The following YRDC variants were observed in gnomAD, a reference collection of about 807,000 sequenced individuals.
YRDC encodes the protein threonylcarbamoyl-AMP synthase.
YRDC carries 17 observed loss-of-function variants against 21.5 expected under a neutral mutation model. The observed-to-expected ratio is 0.79, with a 90% CI of 0.54 to 1.19. The LOEUF (loss-of-function observed/expected upper bound fraction) is 1.19. YRDC is among the 50% of genes most tolerant of loss of function. The pLI is 0.00. For synonymous variants in YRDC, 193 were observed against 176.7 expected (o/e 1.09, Z -0.73); for missense variants, 380 against 397.1 (o/e 0.96, Z 0.37).
Position 37,807,942 on chromosome 1 carries a change from C to CCGGCGCGCAGCTCGGCCACGG in YRDC, c.218_238dup (p.Ala73_Ala79dup), listed in dbSNP as rs1569828192. On this transcript the variant is annotated inframe_insertion, in exon 1 of 5. Transcript: ENST00000373044. The stretch of plus-strand genomic sequence containing the variant: ...ATCGGTGGGGACGGCCACCACGGCG[C>CCGGCGCGCAGCTCGGCCACGG]CGGCGCGCAGCTCGGCCACGGCGGC... The CCGGCGCGCAGCTCGGCCACGG allele has an allele frequency of 1.6e-6, 2 of 1,235,884 alleles. No homozygotes were observed. The highest frequency in any genetic ancestry group is 1.6e-5 in the African/African-American group (1 of 64,080). 76.6% of individuals were successfully genotyped at this position (1,235,884 alleles called of 1,614,324 possible).
At position 37,803,928 on chromosome 1, in the gene YRDC, C is replaced by G; in HGVS notation, c.837G>C (p.Leu279=). ...GGCCTTCCTGCTTCCCAGAGTTTCA[C>G]AGGTAGGACGCATGTGAGGGGAGCA... ...YGLLPSHASY[L] is the part of the protein sequence containing the mutation. The change falls in exon 5 of 5, where the codon CTG becomes CTC. Residue 279 remains leucine, a synonymous_variant. Transcript: ENST00000373044. 6.2e-7 allele frequency: 1 copy of G among 1,614,120 alleles called. No individual in the cohort carries two copies. The highest frequency in any genetic ancestry group is 8.5e-7 in the Non-Finnish European group (1 of 1,180,034).
chr1:37,803,870 GGACA>G lies in YRDC; in HGVS notation c.*51_*54del. ...AAATGAGGCCTTGACAGTCGTCAGT[GGACA>G]GACACATAGTATCCAGCACCAGGTC... On this transcript the variant is annotated 3_prime_UTR_variant, in exon 5 of 5. Transcript: ENST00000373044. The G allele has an allele frequency of 6.3e-7, 1 of 1,595,266 alleles. No individual in the cohort carries two copies. The highest frequency in any genetic ancestry group is 2.2e-5 in the East Asian group (1 of 44,798).
chr1:37,806,741 T>C, intron 3 of YRDC, 116 bp downstream of exon 3: 1 of 1,508,902 alleles, frequency 6.6e-7, no homozygotes, highest in Non-Finnish European at 9.0e-7. Context: ...ACCTTCCCAC[T>C]GTTGGCCCAA....
At position 37,803,982 on chromosome 1, in the gene YRDC, A is replaced by T. The variant is rs1325418978; in HGVS notation, c.783T>A (p.Thr261=). Residue 261 remains threonine, a synonymous_variant, in exon 5 of 5, where the codon ACT becomes ACA. Coordinates refer to ENST00000373044, the MANE Select transcript of YRDC (RefSeq NM_024640.4). ...IIRPGCALES[T]TAILQQKYGL... is the part of the protein sequence containing the mutation. ...CGTACTTCTGTTGGAGGATGGCTGTAGTACTTTCCAGGGCACTGAGGAGGA... is the reference window on the plus strand; with the variant it reads ...CGTACTTCTGTTGGAGGATGGCTGTTGTACTTTCCAGGGCACTGAGGAGGA... 1 of 1,614,078 alleles carries T rather than the reference A, an allele frequency of 6.2e-7. No homozygotes were observed. Among genetic ancestry groups the T allele is most frequent in the African/African-American group, 1.3e-5 (1 of 74,922 alleles).
chr1:37,805,694 TGA>T (rs1646729551), intron 3 of YRDC, among the ~76,000 whole-genome samples: 1 of 152,196 alleles, frequency 6.6e-6, no homozygotes, highest in South Asian at 2.1e-4. Context: ...ACCTGCACTC[TGA>T]GAATGGGAAG....
intron 3 of YRDC, 57 bp from the exon 4 acceptor site, chr1:37,804,501 C>A: frequency 6.4e-7 from 1 of 1,561,038 alleles, no homozygotes. Flanking sequence ...CCAATAATGT[C>A]AAACTGCACG....
At chr1:37,806,750 A>C (rs1557578821) in intron 3 of YRDC, 107 bp downstream of exon 3, 1 of 1,545,068 alleles carries the variant, frequency 6.5e-7, no homozygotes, top group South Asian at 1.2e-5. Flanking sequence ...CTGTTGGCCC[A>C]AGAACTCTCA....
At chr1:37,804,106 C>T (rs1646719326) in intron 4 of YRDC, 109 bp from the exon 5 acceptor site, 2 of 1,480,896 alleles carry the variant, frequency 1.4e-6, no homozygotes, top group African/African-American at 1.4e-5. Flanking sequence ...AAGCCCTGTT[C>T]ATCAACCCTT....
intron 3 of YRDC, 46 bp from the exon 4 acceptor site, chr1:37,804,490 T>C: frequency 6.4e-7 from 1 of 1,572,788 alleles, no homozygotes; most frequent in Admixed American, 1.8e-5. Flanking sequence ...CCCTGGTGTA[T>C]CCAATAATGT....
At chr1:37,806,630 G>A (rs566789465) in intron 3 of YRDC, among the ~76,000 whole-genome samples, 1 of 152,268 alleles carries the variant, frequency 6.6e-6, no homozygotes, top group South Asian at 2.1e-4. Context: ...AAAGACTGAA[G>A]AAAAGACCAA....
rs74441145 is a variant in YRDC, at chr1:37,807,817, G to A, written c.364C>T (p.Leu122Phe). Reference protein sequence around the residue: ...RSEAKPLAVCLGRVADVYRYC... With the variant: ...RSEAKPLAVCFGRVADVYRYC... ...CTGTAGACGTCGGCCACGCGGCCGAGGCATACGGCCAGAGGCTTGGCCTCG... is the reference window on the plus strand; with the variant it reads ...CTGTAGACGTCGGCCACGCGGCCGAAGCATACGGCCAGAGGCTTGGCCTCG... The change falls in exon 1 of 5, where the codon CTC (leucine) becomes TTC (phenylalanine). Residue 122 changes from leucine to phenylalanine, a missense_variant. Leu to Phe is a conservative substitution (Grantham distance 22, BLOSUM62 0). Transcript: ENST00000373044. 114 of 1,512,028 alleles carry A rather than the reference G, an allele frequency of 7.5e-5. 1 individual carries two copies. The South Asian group carries it at 1.2e-3, about 16-fold the overall frequency. 93.7% of individuals were successfully genotyped at this position (1,512,028 alleles called of 1,614,324 possible).
Position 37,803,631 on chromosome 1 carries a change from A to G in YRDC, c.*294T>C, listed in dbSNP as rs1196070959. The G allele has an allele frequency of 2.5e-5, 9 of 353,774 alleles. No individual in the cohort carries two copies. The highest frequency in any genetic ancestry group is 8.0e-4 in the Middle Eastern group (1 of 1,248). 21.9% of individuals were successfully genotyped at this position (353,774 alleles called of 1,614,324 possible). A position where few individuals can be genotyped will look rare whatever the true frequency, so the allele number is the denominator to read the frequency against. Reference sequence around the variant, plus strand: ...TTTAATTACTTTTCAATTGAAAAACAAAACAGACAGAAGAAACTTATTAGA... The same window carrying G: ...TTTAATTACTTTTCAATTGAAAAACGAAACAGACAGAAGAAACTTATTAGA... On this transcript the variant is annotated 3_prime_UTR_variant, in exon 5 of 5. Coordinates refer to ENST00000373044, the MANE Select transcript of YRDC (RefSeq NM_024640.4).
At position 37,807,142 on chromosome 1, in the gene YRDC, G is replaced by T. The variant is rs1440926229; in HGVS notation, c.463C>A (p.Arg155Ser). The T allele has an allele frequency of 1.9e-6, 3 of 1,614,040 alleles. No individual in the cohort carries two copies. In the African/African-American group the frequency reaches 4.0e-5, roughly 22 times the overall value. ...AGGTCCTTGTTGAGCTCCTCCGAGCGTTCCATCACCAGGGTCACTGGTCCT... is the reference window on the plus strand; with the variant it reads ...AGGTCCTTGTTGAGCTCCTCCGAGCTTTCCATCACCAGGGTCACTGGTCCT... ...LPGPVTLVME[R>S]SEELNKDLNP... The change falls in exon 2 of 5, where the codon CGC becomes AGC. Residue 155 changes from arginine to serine, a missense_variant. Transcript: ENST00000373044.
chr1:37,807,963 GCGGCCCGCAGCGCCTCGGTCCAGC>G lies in YRDC; in HGVS notation c.194_217del (p.Gly65_Ala72del). 1 of 1,217,622 alleles carries G rather than the reference GCGGCCCGCAGCGCCTCGGTCCAGC, an allele frequency of 8.2e-7. No individual in the cohort carries two copies. Among genetic ancestry groups the G allele is most frequent in the East Asian group, 3.3e-5 (1 of 30,396 alleles). The allele number at this position is 1,217,622 out of a possible 1,614,324, so 75.4% of individuals were successfully genotyped here. A position where few individuals can be genotyped will look rare whatever the true frequency, so the allele number is the denominator to read the frequency against. On this transcript the variant is annotated inframe_deletion, in exon 1 of 5. Transcript: ENST00000373044. The stretch of plus-strand genomic sequence containing the variant: ...GGCGCCGGCGCGCAGCTCGGCCACG[GCGGCCCGCAGCGCCTCGGTCCAGC>G]CGGCGCGCTCCGGGCTCGCGGCCTG...
rs777153816 is a variant in YRDC at position 37,807,948 on chromosome 1, C to A, written c.233G>T (p.Arg78Leu). The change falls in exon 1 of 5, where the codon CGC (arginine) becomes CTC (leucine). Residue 78 changes from arginine to leucine, a missense_variant. By Grantham distance (102) the Arg-to-Leu change is moderately radical. Coordinates refer to ENST00000373044, the MANE Select transcript of YRDC (RefSeq NM_024640.4). ...GGGGACGGCCACCACGGCGCCGGCG[C>A]GCAGCTCGGCCACGGCGGCCCGCAG... ...EALRAAVAELRAGAVVAVPTD... is the reference protein window; with the variant it reads ...EALRAAVAELLAGAVVAVPTD... The A allele has an allele frequency of 1.6e-6, 2 of 1,230,882 alleles. No homozygotes were observed. Among genetic ancestry groups the A allele is most frequent in the South Asian group, 3.7e-5 (1 of 27,074 alleles). The allele number at this position is 1,230,882 out of a possible 1,614,324, so 76.2% of individuals were successfully genotyped here.
rs754481985 is a variant in YRDC at position 37,807,780 on chromosome 1, G to A, written c.389+12C>T. ...TGCCGCCCCTAGCGGGGCCGGGTCG[G>A]GGCGGCCTTACCTGTAGACGTCGGC... On this transcript the variant is annotated intron_variant, in intron 1 of 4. Transcript: ENST00000373044. 200 of 1,496,158 alleles carry A rather than the reference G, an allele frequency of 1.3e-4. No homozygotes were observed. The highest frequency in any genetic ancestry group is 1.6e-4 in the Non-Finnish European group (182 of 1,126,912). 92.7% of individuals were successfully genotyped at this position (1,496,158 alleles called of 1,614,324 possible).
At chr1:37,807,526 T>C (rs1204975038) in intron 1 of YRDC, 2 of 637,012 alleles carry the variant, frequency 3.1e-6, no homozygotes, top group Non-Finnish European at 5.2e-6. Flanking sequence ...CTGTGTTTGT[T>C]TGCTTTTTTC....
chr1:37,804,335 A>G lies in YRDC; in HGVS notation c.734T>C (p.Val245Ala), dbSNP rs1450946368. The change falls in exon 4 of 5, where the codon GTG becomes GCG. Residue 245 changes from valine to alanine, a missense_variant. By Grantham distance (64) the Val-to-Ala change is moderately conservative. This residue lies in a region of YRDC where 238 missense variants were observed against 236.5 expected (regional missense o/e 1.01). Transcript: ENST00000373044. ...RLGSTVVDLS[V>A]PGKFGIIRPG... ...ACGAATGATGCCAAACTTTCCGGGCACAGACAAATCAACCACAGTTGAGCC... is the reference window on the plus strand; with the variant it reads ...ACGAATGATGCCAAACTTTCCGGGCGCAGACAAATCAACCACAGTTGAGCC... 1.2e-6 allele frequency: 2 copies of G among 1,614,146 alleles called. No homozygotes were observed. The highest frequency in any genetic ancestry group is 1.7e-6 in the Non-Finnish European group (2 of 1,179,988).
intron 1 of YRDC, 51 bp from the exon 2 acceptor site, chr1:37,807,266 G>T: frequency 6.5e-7 from 1 of 1,536,012 alleles, no homozygotes; most frequent in Non-Finnish European, 9.0e-7. Context: ...GCCACTGGTG[G>T]TCCTTTCCTA....
Sources: gnomAD v4.1 joint callset for allele counts (sites outside exome capture counted in the v4.1 genomes callset) on GRCh38, gnomAD v4.1.1 for gene constraint, gnomAD v4.1.1 regional missense constraint, MANE v1.5 for transcripts, NCBI Gene and HGNC (gene_info 2026-07-23, HGNC 2026-07-21) for gene names.